Variants in ACER2 observed in about 807,000 individuals in gnomAD.
The protein encoded by ACER2 is alkaline ceramidase 2.
Under a neutral mutation model 34.7 loss-of-function variants are expected in ACER2, and 26 were observed. The ratio of observed to expected loss-of-function variants is 0.75; its 90% CI spans 0.55 to 1.04. ACER2 has a LOEUF of 1.04. ACER2 is among the 50% of genes least tolerant of loss of function. ACER2 has a pLI of 0.00. For synonymous variants in ACER2, 138 were observed against 132.1 expected (o/e 1.04, Z -0.31); for missense variants, 352 against 340.8 (o/e 1.03, Z -0.26).
At chr9:19,437,597 T>G (rs1315141187) in intron 4 of ACER2, among the ~76,000 whole-genome samples, 1 of 152,190 alleles carries the variant, frequency 6.6e-6, no homozygotes, top group Non-Finnish European at 1.5e-5. Context: ...TGTCTAAGCT[T>G]CCCTTAGAGC....
At chr9:19,423,625 C>G (rs185944387) in intron 1 of ACER2, among the ~76,000 whole-genome samples, 1 of 152,106 alleles carries the variant, frequency 6.6e-6, no homozygotes, top group South Asian at 2.1e-4. Context: ...TGCTTGAACT[C>G]GGGAGGTAGA....
At chr9:19,424,642 T>G in intron 2 of ACER2, 58 bp from the exon 3 acceptor site, 1 of 1,606,786 alleles carries the variant, frequency 6.2e-7, no homozygotes, top group Non-Finnish European at 8.5e-7. Flanking sequence ...TTAAGCAGTG[T>G]ATTGAATTTG....
At chr9:19,418,270 A>G (rs937909965) in intron 1 of ACER2, among the ~76,000 whole-genome samples, 12 of 152,216 alleles carry the variant, frequency 7.9e-5, no homozygotes, top group Non-Finnish European at 1.2e-4. Context: ...TAGTTCAACC[A>G]TTGTGGAAGA....
At chr9:19,426,228 TA>T (rs369990989) in intron 3 of ACER2, among the ~76,000 whole-genome samples, 53 of 144,694 alleles carry the variant, frequency 3.7e-4, no homozygotes, top group Non-Finnish European at 4.4e-4. Context: ...ACTTTTTTTT[TA>T]AAAAAAAAAA....
chr9:19,413,201 A>C (rs1309072299), intron 1 of ACER2, among the ~76,000 whole-genome samples: 1 of 152,218 alleles, frequency 6.6e-6, no homozygotes, highest in Non-Finnish European at 1.5e-5. Flanking sequence ...TATCTCTTCC[A>C]TGAACATGTA....
chr9:19,410,156 TG>T lies in ACER2; in HGVS notation c.108+966del, dbSNP rs538623143. Among the ~76,000 whole-genome samples, 1,289 of 152,342 alleles carry T rather than the reference TG, an allele frequency of 8.5e-3. 7 individuals carry two copies. The highest frequency in any genetic ancestry group is 0.011 in the Non-Finnish European group (749 of 68,028). ...GGTTGTTGTTTAGGACTTTTCCTTT[TG>T]GATTTGCTAGAGAGAATGTCTTCAG... is the stretch of plus-strand genomic sequence containing the variant. On this transcript the variant is annotated intron_variant, in intron 1 of 5. Transcript: ENST00000340967.
At chr9:19,431,531 C>A (rs143331816) in intron 3 of ACER2, among the ~76,000 whole-genome samples, 5 of 152,288 alleles carry the variant, frequency 3.3e-5, no homozygotes, top group African/African-American at 1.2e-4. Flanking sequence ...CCTTGGCATG[C>A]GTCAAACCCA....
intron 1 of ACER2, among the ~76,000 whole-genome samples, chr9:19,420,137 C>T (rs1163640408): frequency 1.3e-5 from 2 of 152,158 alleles, no homozygotes; most frequent in South Asian, 2.1e-4. Flanking sequence ...AGCTCTTTGG[C>T]CCTGCTCACT....
intron 1 of ACER2, among the ~76,000 whole-genome samples, chr9:19,410,969 C>T (rs1183734617): frequency 6.6e-6 from 1 of 152,180 alleles, no homozygotes; most frequent in Non-Finnish European, 1.5e-5. Context: ...GGTTCTCACA[C>T]ACTTAGCAAG....
chr9:19,444,439 C>A (rs1336087544), intron 4 of ACER2, among the ~76,000 whole-genome samples: 1 of 151,944 alleles, frequency 6.6e-6, no homozygotes, highest in Non-Finnish European at 1.5e-5. Flanking sequence ...GTCTCGATCT[C>A]CTGACCTCTG....
chr9:19,431,599 C>A (rs1347140817), intron 3 of ACER2, among the ~76,000 whole-genome samples: 1 of 152,190 alleles, frequency 6.6e-6, no homozygotes, highest in Non-Finnish European at 1.5e-5. Flanking sequence ...TGGGCCCTCA[C>A]CCTGAGGCTG....
chr9:19,412,672 A>T (rs146645057), intron 1 of ACER2, among the ~76,000 whole-genome samples: 2,049 of 152,026 alleles, frequency 0.013, 25 homozygotes, highest in Admixed American at 0.022. Context: ...AAAAAAAAAA[A>T]AAACCAGCAT....
chr9:19,417,263 A>G (rs950787415), intron 1 of ACER2, among the ~76,000 whole-genome samples: 1 of 152,254 alleles, frequency 6.6e-6, no homozygotes, highest in African/African-American at 2.4e-5. Context: ...GCTCATGGAA[A>G]GGAAGAATCA....
chr9:19,426,941 G>A (rs1830589771), intron 3 of ACER2, among the ~76,000 whole-genome samples: 2 of 152,084 alleles, frequency 1.3e-5, no homozygotes, highest in Admixed American at 6.5e-5. Flanking sequence ...TGACTATTGG[G>A]ACTTTTTCAT....
chr9:19,419,248 C>T (rs1830330077), intron 1 of ACER2, among the ~76,000 whole-genome samples: 1 of 152,180 alleles, frequency 6.6e-6, no homozygotes, highest in Non-Finnish European at 1.5e-5. Context: ...AGATCCTTGT[C>T]CTGATTCCTC....
intron 4 of ACER2, among the ~76,000 whole-genome samples, chr9:19,435,826 G>C (rs1055908182): frequency 6.6e-6 from 1 of 151,754 alleles, no homozygotes; most frequent in Non-Finnish European, 1.5e-5. Context: ...GAGGAGGGCG[G>C]ATCACGAGGT....
intron 4 of ACER2, among the ~76,000 whole-genome samples, chr9:19,435,455 C>A (rs975543472): frequency 5.3e-5 from 8 of 152,206 alleles, no homozygotes; most frequent in Non-Finnish European, 1.0e-4. Context: ...GAGTTTGTAT[C>A]TATAAGGAAA....
At chr9:19,442,116 C>T (rs1186674665) in intron 4 of ACER2, among the ~76,000 whole-genome samples, 2 of 152,196 alleles carry the variant, frequency 1.3e-5, no homozygotes, top group Non-Finnish European at 2.9e-5. Context: ...GATTTTGGGT[C>T]ATGACCTGAC....
chr9:19,437,159 A>G (rs1831004196), intron 4 of ACER2, among the ~76,000 whole-genome samples: 2 of 152,182 alleles, frequency 1.3e-5, no homozygotes, highest in Non-Finnish European at 2.9e-5. Flanking sequence ...TCTTTCCTGA[A>G]GTCCAGTTTC....
Sources: gnomAD v4.1 joint callset for allele counts (sites outside exome capture counted in the v4.1 genomes callset) on GRCh38, gnomAD v4.1.1 for gene constraint, MANE v1.5 for transcripts, NCBI Gene and HGNC (gene_info 2026-07-23, HGNC 2026-07-21) for gene names.